NRXN3: variants seen among roughly 807,000 people sequenced by gnomAD.
NRXN3 encodes neurexin 3.
In NRXN3, 32 loss-of-function variants were observed where a neutral mutation model predicts 137.6. That is an observed-to-expected ratio of 0.23 (90% CI 0.18 to 0.31). NRXN3 has a LOEUF of 0.31. Ranked by LOEUF, NRXN3 falls within the 10% of genes least tolerant of loss-of-function variation. The pLI is 1.00. For synonymous variants in NRXN3, 798 were observed against 784.5 expected (o/e 1.02, Z -0.29); for missense variants, 1,574 against 2,062.5 (o/e 0.76, Z 4.59).
rs79301264 is a variant in NRXN3 at position 79,401,272 on chromosome 14, T to C, written c.3263-65949T>C. 4.7e-4 allele frequency among the ~76,000 whole-genome samples: 71 copies of C among 152,322 alleles called. No individual in the cohort carries two copies. In the East Asian group the frequency reaches 0.012, roughly 26 times the overall value. ...GTCATTACCCCTGGCCTGAATTACA[T>C]ATTTATGTGAGCCCTCTAGTCCCTG... On this transcript the variant is annotated intron_variant, in intron 15 of 20. Transcript: ENST00000335750.
intron 4 of NRXN3, among the ~76,000 whole-genome samples, chr14:78,459,954 G>C (rs1460433014): frequency 6.6e-6 from 1 of 152,192 alleles, no homozygotes; most frequent in East Asian, 1.9e-4. Flanking sequence ...TCAGTTACAA[G>C]TAGTAGGTTG....
chr14:78,283,240 A>G (rs1369015609), intron 3 of NRXN3: 1 of 152,220 alleles, frequency 6.6e-6, no homozygotes, highest in Non-Finnish European at 1.5e-5. Flanking sequence ...GACATGTTAC[A>G]TCTTTCATGT....
intron 15 of NRXN3, among the ~76,000 whole-genome samples, chr14:79,239,055 A>C (rs560557182): frequency 7.2e-4 from 110 of 152,270 alleles, no homozygotes; most frequent in Non-Finnish European, 1.4e-3. Context: ...GGATAGCACC[A>C]AACCCTATAT....
intron 20 of NRXN3, among the ~76,000 whole-genome samples, chr14:79,828,600 C>T (rs1306706441): frequency 3.5e-5 from 4 of 112,904 alleles, no homozygotes; most frequent in Non-Finnish European, 6.6e-5. Context: ...GCCTGGGCAA[C>T]AGAGGAAGAC....
At chr14:79,346,138 G>A (rs148930643) in intron 15 of NRXN3, among the ~76,000 whole-genome samples, 12 of 152,250 alleles carry the variant, frequency 7.9e-5, no homozygotes, top group South Asian at 2.1e-4. Context: ...AAAACACAGC[G>A]GCTGGGCACA....
At chr14:79,656,984 A>C (rs2098509530) in intron 16 of NRXN3, among the ~76,000 whole-genome samples, 2 of 152,138 alleles carry the variant, frequency 1.3e-5, no homozygotes, top group Non-Finnish European at 2.9e-5. Context: ...GGGAGTGTGC[A>C]AATGCCTCTG....
intron 19 of NRXN3, among the ~76,000 whole-genome samples, chr14:79,715,073 C>T (rs2098819065): frequency 1.3e-5 from 2 of 152,306 alleles, no homozygotes; most frequent in Admixed American, 1.3e-4. Flanking sequence ...CCTGCCTCAG[C>T]CTCCTGAGTA....
intron 16 of NRXN3, among the ~76,000 whole-genome samples, chr14:79,646,454 T>G (rs570629153): frequency 7.4e-6 from 1 of 135,960 alleles, no homozygotes; most frequent in African/African-American, 2.4e-5. Context: ...CATGCCAATG[T>G]CCAAAAAGCT....
At chr14:78,184,785 G>A (rs72683755) in intron 1 of NRXN3, among the ~76,000 whole-genome samples, 1 of 152,046 alleles carries the variant, frequency 6.6e-6, no homozygotes, top group South Asian at 2.1e-4. Flanking sequence ...CAGCAGAGCC[G>A]TGTCTGGAGC....
chr14:78,462,048 C>T (rs1304718399), intron 4 of NRXN3, among the ~76,000 whole-genome samples: 5 of 152,106 alleles, frequency 3.3e-5, no homozygotes, highest in African/African-American at 1.2e-4. Flanking sequence ...TAATACTTTC[C>T]CCATGGGCTT....
intron 15 of NRXN3, among the ~76,000 whole-genome samples, chr14:78,990,797 T>C (rs2099517266): frequency 6.6e-6 from 1 of 152,194 alleles, no homozygotes; most frequent in Non-Finnish European, 1.5e-5. Context: ...CATTGGACGT[T>C]TCTGTTTCCA....
intron 16 of NRXN3, among the ~76,000 whole-genome samples, chr14:79,481,138 C>G (rs1289548445): frequency 1.3e-5 from 2 of 151,724 alleles, no homozygotes; most frequent in Non-Finnish European, 2.9e-5. Context: ...TACTTACATT[C>G]TAGTGGGGGA....
intron 16 of NRXN3, among the ~76,000 whole-genome samples, chr14:79,480,664 T>C (rs1333371840): frequency 2.6e-5 from 4 of 152,148 alleles, no homozygotes; most frequent in African/African-American, 9.7e-5. Context: ...TCCTGTTCAA[T>C]TGTAATCCCC....
intron 3 of NRXN3, chr14:78,279,423 GA>G (rs1346258591): frequency 1.3e-5 from 2 of 152,202 alleles, no homozygotes; most frequent in African/African-American, 2.4e-5. Context: ...GAATGGTTTG[GA>G]GACTATTCTG....
intron 15 of NRXN3, among the ~76,000 whole-genome samples, chr14:79,025,599 G>A (rs999537923): frequency 1.3e-5 from 2 of 152,024 alleles, no homozygotes; most frequent in Non-Finnish European, 2.9e-5. Context: ...CTGGCATATT[G>A]ATCTTTCCCT....
intron 15 of NRXN3, among the ~76,000 whole-genome samples, chr14:79,212,839 T>C (rs913006185): frequency 2.0e-5 from 3 of 151,966 alleles, no homozygotes; most frequent in Non-Finnish European, 4.4e-5. Context: ...GTATACAACA[T>C]TCTCCAAATT....
intron 2 of NRXN3, among the ~76,000 whole-genome samples, chr14:78,252,303 C>T (rs73310321): frequency 5.9e-4 from 89 of 152,034 alleles, no homozygotes; most frequent in African/African-American, 2.0e-3. Flanking sequence ...CTCTTTGGCT[C>T]TTTGGGGGAA....
chr14:79,321,109 G>A (rs1359981734), intron 15 of NRXN3, among the ~76,000 whole-genome samples: 1 of 151,936 alleles, frequency 6.6e-6, no homozygotes, highest in African/African-American at 2.4e-5. Flanking sequence ...CATGATATCA[G>A]TTTTTCTTTC....
intron 15 of NRXN3, among the ~76,000 whole-genome samples, chr14:79,027,825 C>G (rs988952744): frequency 2.6e-5 from 4 of 152,118 alleles, no homozygotes; most frequent in African/African-American, 9.7e-5. Flanking sequence ...GAATGTGAAT[C>G]CACCAGTCCT....
Sources: allele counts gnomAD v4.1 joint callset (sites outside exome capture counted in the v4.1 genomes callset), GRCh38; gene constraint gnomAD v4.1.1; transcripts MANE v1.5; gene names NCBI Gene and HGNC (gene_info 2026-07-23, HGNC 2026-07-21).